The following VIPR2 variants were observed in gnomAD, a reference collection of about 807,000 sequenced individuals.
VIPR2 encodes vasoactive intestinal peptide receptor 2.
VIPR2 carries 48 observed loss-of-function variants against 58.0 expected under a neutral mutation model. The observed-to-expected ratio is 0.83, with a 90% CI of 0.66 to 1.05. The LOEUF (loss-of-function observed/expected upper bound fraction) is 1.05, where lower values mean the gene tolerates loss of function less well. Ranked by LOEUF, VIPR2 falls within the 50% of genes least tolerant of loss-of-function variation. The pLI, the probability that VIPR2 is intolerant of heterozygous loss-of-function variation, is 0.00. For missense variants in VIPR2, 534 were observed against 558.0 expected (o/e 0.96, Z 0.43); for synonymous variants, 243 against 235.2 (o/e 1.03, Z -0.30).
intron 3 of VIPR2, among the ~76,000 whole-genome samples, chr7:159,105,687 G>C (rs768495616): frequency 1.3e-5 from 2 of 151,846 alleles, no homozygotes; most frequent in African/African-American, 2.4e-5. Context: ...AGCCCCAGCA[G>C]GGTCTGGGGG....
At chr7:159,076,959 A>C (rs1033213827) in intron 4 of VIPR2, among the ~76,000 whole-genome samples, 1 of 152,238 alleles carries the variant, frequency 6.6e-6, no homozygotes, top group African/African-American at 2.4e-5. Context: ...GTGGCTTTTA[A>C]AAGTCTAATC....
At chr7:159,117,006 AC>A (rs2129496676) in intron 2 of VIPR2, 1 of 330,670 alleles carries the variant, frequency 3.0e-6, no homozygotes, top group Admixed American at 4.4e-5. Context: ...GACTCTTACG[AC>A]ATGCTCCCCC....
intron 5 of VIPR2, among the ~76,000 whole-genome samples, 194 bp from the exon 6 acceptor site, chr7:159,043,370 T>A (rs925808227): frequency 4.0e-5 from 6 of 150,200 alleles, no homozygotes; most frequent in African/African-American, 1.5e-4. Flanking sequence ...AAAAGCTCTG[T>A]TAAGAATTTT....
intron 2 of VIPR2, among the ~76,000 whole-genome samples, chr7:159,131,222 A>T (rs996365550): frequency 6.6e-6 from 1 of 152,224 alleles, no homozygotes; most frequent in African/African-American, 2.4e-5. Flanking sequence ...CACAAAGTGG[A>T]TGGTGAACAA....
rs1329025793 is a variant in VIPR2, at chr7:159,043,146, G to A, written c.486C>T (p.His162=). Residue 162 remains histidine, a synonymous_variant, in exon 6 of 13, where the codon CAC becomes CAT. Transcript: ENST00000262178. ...RKLHCTRNYI[H]LNLFLSFILR... is the part of the protein sequence containing the mutation. The stretch of plus-strand genomic sequence containing the variant: ...GGATGAAGGACAGGAACAGGTTCAG[G>A]TGGATGTAATTCCTGGTGCAGTGCA... 6.2e-7 allele frequency: 1 copy of A among 1,613,798 alleles called. No homozygotes were observed. The highest frequency in any genetic ancestry group is 8.5e-7 in the Non-Finnish European group (1 of 1,179,920).
rs375298427 is a variant in VIPR2, at chr7:159,142,443, T to C, written c.151+3A>G. 1 of 1,612,778 alleles carries C rather than the reference T, an allele frequency of 6.2e-7. No homozygotes were observed. Among genetic ancestry groups the C allele is most frequent in the South Asian group, 1.1e-5 (1 of 90,982 alleles). ...GTTCTTACTCACCAAGCCTCTGCCTTACCTTTGTGTTTTTCTGTTTGAGAC... is the reference window on the plus strand; with the variant it reads ...GTTCTTACTCACCAAGCCTCTGCCTCACCTTTGTGTTTTTCTGTTTGAGAC... On this transcript the variant is annotated splice_donor_region_variant and intron_variant, in intron 2 of 12. Transcript: ENST00000262178.
chr7:159,110,002 T>C, intron 2 of VIPR2, 83 bp from the exon 3 acceptor site: 7 of 1,303,752 alleles, frequency 5.4e-6, no homozygotes, highest in South Asian at 1.2e-5. Context: ...GATAACTGCC[T>C]CGCAAACTCC....
At chr7:159,083,345 G>A (rs79006524) in intron 4 of VIPR2, among the ~76,000 whole-genome samples, 60 of 152,290 alleles carry the variant, frequency 3.9e-4, no homozygotes, top group African/African-American at 1.3e-3. Context: ...AGTCCCATTT[G>A]CGAGGAATCT....
rs117330016 is a variant in VIPR2 at position 159,042,606 on chromosome 7, C to G, written c.597+429G>C. ...GGCTTTACAAGGAATTTACCCATGG[C>G]ACAAGATCAAGTTCTTCCAGCAATC... is the stretch of plus-strand genomic sequence containing the variant. On this transcript the variant is annotated intron_variant, in intron 6 of 12. Transcript: ENST00000262178. Among the ~76,000 whole-genome samples the G allele has an allele frequency of 8.6e-4, 131 of 152,290 alleles. 3 individuals carry two copies. The East Asian group carries it at 0.021, about 25-fold the overall frequency.
At chr7:159,106,661 G>C (rs1471995284) in intron 3 of VIPR2, among the ~76,000 whole-genome samples, 2 of 138,234 alleles carry the variant, frequency 1.4e-5, no homozygotes, top group African/African-American at 2.8e-5. Context: ...AGAGGCCAGG[G>C]AGGGGCAGAG....
rs753588448 is a variant in VIPR2, at chr7:159,031,927, C to T, written c.1101+11G>A. On this transcript the variant is annotated intron_variant, in intron 11 of 12. Transcript: ENST00000262178. The surrounding 1 kb of genome is among the most constrained non-coding windows in gnomAD (Gnocchi z 4.0). ...GCGCTCGGGGGAGGGCGGCCGCCTCCGCACACCTACCTGGAACGACCCGAG... is the reference window on the plus strand; with the variant it reads ...GCGCTCGGGGGAGGGCGGCCGCCTCTGCACACCTACCTGGAACGACCCGAG... 42 of 1,614,034 alleles carry T rather than the reference C, an allele frequency of 2.6e-5. 1 individual carries two copies. The South Asian group carries it at 4.6e-4, about 18-fold the overall frequency.
chr7:159,137,864 TATATC>T (rs1170907671), intron 2 of VIPR2, among the ~76,000 whole-genome samples: 3 of 152,172 alleles, frequency 2.0e-5, no homozygotes, highest in Admixed American at 6.6e-5. Flanking sequence ...AGGACCTACT[TATATC>T]AGAAAGAAAA....
intron 3 of VIPR2, 147 bp from the exon 4 acceptor site, chr7:159,104,001 C>T: frequency 2.9e-6 from 2 of 682,878 alleles, no homozygotes; most frequent in Non-Finnish European, 5.1e-6. Flanking sequence ...CTCAAAAAAC[C>T]TTCCTTGCCC....
intron 9 of VIPR2, 33 bp from the exon 10 acceptor site, chr7:159,034,337 C>T: frequency 6.2e-7 from 1 of 1,603,854 alleles, no homozygotes; most frequent in Non-Finnish European, 8.5e-7. Context: ...GTGAAACAGA[C>T]ACGTGGATCC....
intron 6 of VIPR2, among the ~76,000 whole-genome samples, chr7:159,039,657 G>A (rs867257369): frequency 3.9e-5 from 6 of 152,084 alleles, no homozygotes; most frequent in Admixed American, 6.5e-5. Context: ...AACATCCCTC[G>A]CCCCTTCCAC....
chr7:159,112,735 A>T (rs4998391), intron 2 of VIPR2, among the ~76,000 whole-genome samples: 1 of 62,540 alleles, frequency 1.6e-5, no homozygotes, highest in East Asian at 8.6e-4. Context: ...CACGGCGCCT[A>T]CCTGGGACCG....
intron 6 of VIPR2, among the ~76,000 whole-genome samples, chr7:159,041,810 C>CCTCA: frequency 6.6e-6 from 1 of 151,970 alleles, no homozygotes; most frequent in Non-Finnish European, 1.5e-5. Context: ...TCATGAAGAG[C>CCTCA]TAAGGGCAGG....
intron 4 of VIPR2, among the ~76,000 whole-genome samples, chr7:159,065,366 C>G (rs918713586): frequency 1.3e-5 from 2 of 152,148 alleles, no homozygotes; most frequent in Non-Finnish European, 2.9e-5. Flanking sequence ...TCTGGCCCTC[C>G]GTGGCTGCTC....
chr7:159,103,656 T>G, intron 4 of VIPR2, 101 bp downstream of exon 4: 1 of 915,682 alleles, frequency 1.1e-6, no homozygotes, highest in Non-Finnish European at 1.7e-6. Context: ...AGAGGATTAT[T>G]TAGGGGAAAA....
Sources: gnomAD v4.1 joint callset for allele counts (sites outside exome capture counted in the v4.1 genomes callset) on GRCh38, gnomAD v4.1.1 for gene constraint, Gnocchi (gnomAD v3.1) non-coding constraint, MANE v1.5 for transcripts, NCBI Gene and HGNC (gene_info 2026-07-23, HGNC 2026-07-21) for gene names.